The following ROBO1 variants were observed in gnomAD, a reference collection of about 807,000 sequenced individuals.
The protein encoded by ROBO1 is roundabout guidance receptor 1, also known as roundabout homolog 1.
ROBO1 carries 149 observed loss-of-function variants against 195.9 expected under a neutral mutation model. The observed-to-expected ratio is 0.76, with a 90% CI of 0.67 to 0.87. The LOEUF is 0.87. Among genes scored for constraint, ROBO1 ranks in the 40% least tolerant of loss-of-function variants. The pLI is 0.00. For missense variants in ROBO1, 1,933 were observed against 2,068.3 expected (o/e 0.93, Z 1.27); for synonymous variants, 816 against 733.2 (o/e 1.11, Z -1.82).
intron 1 of ROBO1, among the ~76,000 whole-genome samples, chr3:79,685,081 T>C (rs1205974947): frequency 1.3e-5 from 2 of 152,216 alleles, no homozygotes; most frequent in South Asian, 2.1e-4. Context: ...TTTATTTGTA[T>C]AGTGACTTTC....
At chr3:79,602,179 G>T (rs1944358558) in intron 1 of ROBO1, among the ~76,000 whole-genome samples, 1 of 151,954 alleles carries the variant, frequency 6.6e-6, no homozygotes, top group Admixed American at 6.6e-5. Flanking sequence ...GCAGGGTGAG[G>T]ACGAAAGGAA....
chr3:78,720,730 G>A (rs1312274669), intron 5 of ROBO1, among the ~76,000 whole-genome samples: 1 of 152,160 alleles, frequency 6.6e-6, no homozygotes, highest in Non-Finnish European at 1.5e-5. Context: ...TTAAGAAAAT[G>A]TGGCATATAT....
chr3:78,861,081 C>T (rs1008677962), intron 4 of ROBO1, among the ~76,000 whole-genome samples: 3 of 152,076 alleles, frequency 2.0e-5, no homozygotes, highest in Non-Finnish European at 4.4e-5. Context: ...TATATCTGGC[C>T]TGAAACTCTT....
intron 2 of ROBO1, among the ~76,000 whole-genome samples, chr3:79,466,831 G>T (rs1279196713): frequency 2.0e-5 from 3 of 152,226 alleles, no homozygotes; most frequent in Middle Eastern, 3.4e-3. Context: ...TTGCAAAAGG[G>T]TATCAAAAAT....
chr3:79,040,040 A>G (rs2078456253), intron 3 of ROBO1, among the ~76,000 whole-genome samples: 2 of 152,140 alleles, frequency 1.3e-5, no homozygotes, highest in Admixed American at 1.3e-4. Context: ...TAGACAATTT[A>G]AGTTAGATTG....
intron 2 of ROBO1, among the ~76,000 whole-genome samples, chr3:79,288,309 T>C (rs1487379417): frequency 2.0e-5 from 3 of 152,164 alleles, no homozygotes; most frequent in East Asian, 1.9e-4. Context: ...CTTTTCTGAA[T>C]TACCAGCTTT....
chr3:79,534,798 A>G (rs1941792648), intron 2 of ROBO1, among the ~76,000 whole-genome samples: 1 of 152,146 alleles, frequency 6.6e-6, no homozygotes, highest in African/African-American at 2.4e-5. Flanking sequence ...GTCTCCAAAT[A>G]GAATTTGAAT....
At chr3:78,599,593 CAA>C (rs1424044043) in intron 30 of ROBO1, among the ~76,000 whole-genome samples, 8 of 151,846 alleles carry the variant, frequency 5.3e-5, no homozygotes, top group African/African-American at 1.7e-4. Flanking sequence ...TCAAGGCTAA[CAA>C]GAGAGTATAT....
intron 4 of ROBO1, 189 bp downstream of exon 4, chr3:78,938,412 T>A (rs1286432428): frequency 3.6e-6 from 2 of 552,652 alleles, no homozygotes; most frequent in African/African-American, 1.9e-5. Context: ...AAATACCAAT[T>A]TAGCTTGAAT....
At chr3:79,147,329 C>T (rs2080673814) in intron 2 of ROBO1, among the ~76,000 whole-genome samples, 1 of 151,910 alleles carries the variant, frequency 6.6e-6, no homozygotes, top group Non-Finnish European at 1.5e-5. Context: ...GAAGCATGGC[C>T]TACAAAACTG....
At chr3:79,390,391 C>A (rs2106699021) in intron 2 of ROBO1, among the ~76,000 whole-genome samples, 1 of 152,134 alleles carries the variant, frequency 6.6e-6, no homozygotes, top group East Asian at 1.9e-4. Context: ...TCTACAAGCT[C>A]ATTTAGAGAA....
At chr3:78,874,906 A>C (rs1206354901) in intron 4 of ROBO1, among the ~76,000 whole-genome samples, 2 of 151,960 alleles carry the variant, frequency 1.3e-5, no homozygotes, top group Non-Finnish European at 2.9e-5. Flanking sequence ...GATTCAAATA[A>C]ATAATCTTAT....
rs557942371 is a variant in ROBO1, at chr3:79,263,821, A to G, written c.89-138282T>C. 1.6e-4 allele frequency among the ~76,000 whole-genome samples: 25 copies of G among 152,180 alleles called. 1 individual carries two copies. The South Asian group carries it at 5.2e-3, about 32-fold the overall frequency. On this transcript the variant is annotated intron_variant, in intron 2 of 30. Transcript: ENST00000464233. ...CCACTTAAAACATTACAAATAGTTT[A>G]CTAACATCCTCTAATATGTAGTGGG... is the stretch of plus-strand genomic sequence containing the variant.
chr3:78,672,500 G>A (rs1483977511), intron 10 of ROBO1, among the ~76,000 whole-genome samples: 2 of 150,968 alleles, frequency 1.3e-5, no homozygotes, highest in Admixed American at 6.6e-5. Flanking sequence ...ACTGAGGTGG[G>A]AGGATCACAT....
intron 2 of ROBO1, among the ~76,000 whole-genome samples, chr3:79,269,606 C>T: frequency 6.6e-6 from 1 of 151,772 alleles, no homozygotes; most frequent in South Asian, 2.1e-4. Flanking sequence ...TTTTGCACCT[C>T]TCCAGTTTAC....
chr3:78,909,150 G>GTAT (rs986963348), intron 4 of ROBO1, among the ~76,000 whole-genome samples: 1 of 151,678 alleles, frequency 6.6e-6, no homozygotes. Flanking sequence ...TTTAGCATGA[G>GTAT]TATTTCTATT....
chr3:79,317,767 C>T (rs758504868), intron 2 of ROBO1, among the ~76,000 whole-genome samples: 5 of 152,120 alleles, frequency 3.3e-5, no homozygotes, highest in Non-Finnish European at 7.4e-5. Flanking sequence ...ACAAAGCACT[C>T]GTGTTCTTGA....
intron 2 of ROBO1, among the ~76,000 whole-genome samples, chr3:79,448,422 A>G (rs1234525051): frequency 1.3e-5 from 2 of 152,174 alleles, no homozygotes; most frequent in African/African-American, 4.8e-5. Context: ...CTATTCATTT[A>G]TCTTTCTTAT....
At chr3:79,586,527 A>T (rs1943835018) in intron 2 of ROBO1, among the ~76,000 whole-genome samples, 1 of 151,974 alleles carries the variant, frequency 6.6e-6, no homozygotes, top group Non-Finnish European at 1.5e-5. Context: ...AGAGGAAAAG[A>T]TAAATCATGC....
Sources: gnomAD v4.1 joint callset for allele counts (sites outside exome capture counted in the v4.1 genomes callset) on GRCh38, gnomAD v4.1.1 for gene constraint, MANE v1.5 for transcripts, NCBI Gene and HGNC (gene_info 2026-07-23, HGNC 2026-07-21) for gene names.